RBFOX1: variants seen among roughly 807,000 people sequenced by gnomAD.
RBFOX1 encodes RNA binding protein fox-1 homolog 1.
RBFOX1 carries 8 observed loss-of-function variants against 57.7 expected under a neutral mutation model. That is an observed-to-expected ratio of 0.14 (90% CI 0.08 to 0.25). The LOEUF is 0.25. Ranked by LOEUF, RBFOX1 falls within the 10% of genes least tolerant of loss-of-function variation. The pLI is 1.00. For missense variants in RBFOX1, 611 were observed against 548.5 expected (o/e 1.11, Z -1.14); for synonymous variants, 326 against 222.4 (o/e 1.47, Z -4.15).
At chr16:7,596,856 T>C (rs918852425) in intron 8 of RBFOX1, among the ~76,000 whole-genome samples, 1 of 152,204 alleles carries the variant, frequency 6.6e-6, no homozygotes, top group Non-Finnish European at 1.5e-5. Context: ...TAAAAGGCTC[T>C]TGTTCCAAGT....
chr16:6,577,291 A>G (rs946426707), intron 2 of RBFOX1: 3 of 152,166 alleles, frequency 2.0e-5, no homozygotes, highest in Non-Finnish European at 4.4e-5. Flanking sequence ...AACACTACAT[A>G]TTTTCATCTG....
At chr16:5,431,259 C>T (rs1246458145) in intron 1 of RBFOX1, among the ~76,000 whole-genome samples, 1 of 152,202 alleles carries the variant, frequency 6.6e-6, no homozygotes, top group Admixed American at 6.5e-5. Context: ...GCACAAACTG[C>T]AGTCTTCTTT....
Position 5,598,920 on chromosome 16 carries a change from T to A in RBFOX1, c.277T>A (p.Ser93Thr), listed in dbSNP as rs1046421711. The A allele has an allele frequency of 6.5e-6, 10 of 1,526,762 alleles. No individual in the cohort carries two copies. The Admixed American group carries it at 1.8e-4, about 28-fold the overall frequency. 94.6% of individuals were successfully genotyped at this position (1,526,762 alleles called of 1,614,324 possible). A position where few individuals can be genotyped will look rare whatever the true frequency, so the allele number is the denominator to read the frequency against. Reference sequence around the variant, plus strand: ...TTGCCAGGACTACAAGTCTGAAAATTCAACCCTCCTCCCCGGTGCCAAGAA... The same window carrying A: ...TTGCCAGGACTACAAGTCTGAAAATACAACCCTCCTCCCCGGTGCCAAGAA... The change falls in exon 3 of 3, where the codon TCA (serine) becomes ACA (threonine). Residue 93 changes from serine (S) to threonine (T), a missense_variant. Physicochemically the swap from Ser to Thr is moderately conservative, Grantham distance 58. Transcript: ENST00000585867.
chr16:6,860,058 G>A (rs1368688633), intron 3 of RBFOX1, among the ~76,000 whole-genome samples: 14 of 152,168 alleles, frequency 9.2e-5, no homozygotes. Context: ...ATAATACCGA[G>A]GTAAGTGAAG....
intron 4 of RBFOX1, among the ~76,000 whole-genome samples, chr16:5,873,158 A>G (rs1037805226): frequency 6.7e-6 from 1 of 148,274 alleles, no homozygotes; most frequent in Non-Finnish European, 1.5e-5. Context: ...CTCAAAACAA[A>G]GAAACAAACA....
intron 11 of RBFOX1, among the ~76,000 whole-genome samples, chr16:7,633,942 C>G (rs951079316): frequency 6.6e-6 from 1 of 152,220 alleles, no homozygotes; most frequent in African/African-American, 2.4e-5. Flanking sequence ...AACCATTCCC[C>G]ATTTCCTGCA....
chr16:6,966,112 G>C (rs1568125153), intron 3 of RBFOX1, among the ~76,000 whole-genome samples: 1 of 152,016 alleles, frequency 6.6e-6, no homozygotes, highest in Admixed American at 6.6e-5. Flanking sequence ...CCATAGACTG[G>C]GGGCCTAAAA....
At chr16:6,737,571 C>T (rs2070757548) in intron 3 of RBFOX1, among the ~76,000 whole-genome samples, 1 of 152,144 alleles carries the variant, frequency 6.6e-6, no homozygotes. Context: ...CTGGACTCTG[C>T]TTCTAGGATG....
At chr16:5,353,736 A>AAC (rs1555498172) in intron 1 of RBFOX1, among the ~76,000 whole-genome samples, 9 of 148,638 alleles carry the variant, frequency 6.1e-5, no homozygotes, top group African/African-American at 2.0e-4. Flanking sequence ...GAAAAAAAAA[A>AAC]AAACCTCGCC....
chr16:6,972,191 C>T (rs1188055454), intron 3 of RBFOX1, among the ~76,000 whole-genome samples: 2 of 148,854 alleles, frequency 1.3e-5, no homozygotes, highest in East Asian at 4.0e-4. Context: ...ATAGAGATCA[C>T]GAAAGCTTTT....
At chr16:7,472,202 A>G (rs2061683143) in intron 4 of RBFOX1, among the ~76,000 whole-genome samples, 1 of 152,236 alleles carries the variant, frequency 6.6e-6, no homozygotes, top group Non-Finnish European at 1.5e-5. Context: ...ATAGAAAGAT[A>G]TAGACATAGA....
intron 4 of RBFOX1, among the ~76,000 whole-genome samples, chr16:6,003,970 C>T (rs929157433): frequency 6.6e-6 from 1 of 152,166 alleles, no homozygotes; most frequent in Non-Finnish European, 1.5e-5. Context: ...ATTCAGCAGG[C>T]CAAACTTTGG....
At chr16:5,470,338 T>C (rs1227630925) in intron 2 of RBFOX1, among the ~76,000 whole-genome samples, 3 of 152,200 alleles carry the variant, frequency 2.0e-5, no homozygotes, top group African/African-American at 7.2e-5. Flanking sequence ...AATGTGTCTA[T>C]TCCTGGTCCC....
chr16:6,696,875 T>A (rs374591477), intron 3 of RBFOX1, among the ~76,000 whole-genome samples: 1 of 152,218 alleles, frequency 6.6e-6, no homozygotes, highest in African/African-American at 2.4e-5. Context: ...TTTGTCTTAC[T>A]AAAGCACATG....
intron 4 of RBFOX1, among the ~76,000 whole-genome samples, chr16:7,360,936 A>T (rs185844081): frequency 9.2e-5 from 14 of 152,276 alleles, no homozygotes; most frequent in African/African-American, 2.4e-5. Flanking sequence ...TCCACTGCGT[A>T]TGAGTTTTTC....
At chr16:5,775,243 A>G (rs1057343880) in intron 3 of RBFOX1, among the ~76,000 whole-genome samples, 41 of 152,132 alleles carry the variant, frequency 2.7e-4, no homozygotes, top group African/African-American at 9.7e-4. Flanking sequence ...CTCAACCACC[A>G]TAGCTGTTCC....
chr16:7,038,579 C>T (rs1235844321), intron 3 of RBFOX1, among the ~76,000 whole-genome samples: 1 of 152,152 alleles, frequency 6.6e-6, no homozygotes, highest in Non-Finnish European at 1.5e-5. Context: ...TGTAAAGGTG[C>T]TTACATGTGT....
rs377479045 is a variant in RBFOX1, at chr16:6,859,133, A to G, written c.-15-192924A>G. Among the ~76,000 whole-genome samples, 809 of 103,180 alleles carry G rather than the reference A, an allele frequency of 7.8e-3. 7 individuals are homozygous for G. The highest frequency in any genetic ancestry group is 0.013 in the Admixed American group (130 of 9,776). 67.7% of individuals were successfully genotyped at this position (103,180 alleles called of 152,430 possible). On this transcript the variant is annotated intron_variant, in intron 3 of 15. Coordinates refer to ENST00000550418, the MANE Select transcript of RBFOX1 (RefSeq NM_018723.4). The stretch of plus-strand genomic sequence containing the variant: ...AGTGTATATATATATATATATACAT[A>G]TATATACGTATATATATATGTATAT...
chr16:6,915,907 G>C (rs1332382280), intron 3 of RBFOX1, among the ~76,000 whole-genome samples: 1 of 152,002 alleles, frequency 6.6e-6, no homozygotes, highest in Non-Finnish European at 1.5e-5. Context: ...TCCGTGAAAG[G>C]GCCGTATTTG....
Sources: allele counts gnomAD v4.1 joint callset (sites outside exome capture counted in the v4.1 genomes callset), GRCh38; gene constraint gnomAD v4.1.1; transcripts MANE v1.5; gene names NCBI Gene and HGNC (gene_info 2026-07-23, HGNC 2026-07-21).